Variants in OSBPL1A observed in about 807,000 individuals in gnomAD.
The protein encoded by OSBPL1A is oxysterol binding protein like 1A, also known as oxysterol-binding protein-related protein 1.
A neutral mutation model predicts 137.1 loss-of-function variants in OSBPL1A; 80 were observed. That is an observed-to-expected ratio of 0.58 (90% CI 0.49 to 0.70). The LOEUF (loss-of-function observed/expected upper bound fraction) is 0.70. Among genes scored for constraint, OSBPL1A ranks in the 30% least tolerant of loss-of-function variants. The probability of loss-of-function intolerance (pLI) is 0.00; values close to 1 mark genes in which losing one functional copy is unlikely to be tolerated. For synonymous variants in OSBPL1A, 365 were observed against 389.7 expected (o/e 0.94, Z 0.75); for missense variants, 970 against 1,129.4 (o/e 0.86, Z 2.02).
chr18:24,253,067 C>A (rs2089148820), intron 15 of OSBPL1A, among the ~76,000 whole-genome samples: 1 of 137,448 alleles, frequency 7.3e-6, no homozygotes, highest in African/African-American at 2.6e-5. Context: ...GAGAAGGCTG[C>A]AAAACAATTA....
At chr18:24,382,775 C>CTGAGG in intron 1 of OSBPL1A, among the ~76,000 whole-genome samples, 1 of 151,976 alleles carries the variant, frequency 6.6e-6, no homozygotes, top group East Asian at 1.9e-4. Flanking sequence ...ACCTGAGAGG[C>CTGAGG]TGAGGTGGAA....
At chr18:24,393,329 T>C (rs760571929) in intron 1 of OSBPL1A, among the ~76,000 whole-genome samples, 1 of 152,236 alleles carries the variant, frequency 6.6e-6, no homozygotes, top group Non-Finnish European at 1.5e-5. Context: ...ACACTCTGAT[T>C]CTAGAGCTGA....
intron 13 of OSBPL1A, among the ~76,000 whole-genome samples, chr18:24,304,074 G>T (rs2146103297): frequency 6.6e-6 from 1 of 151,944 alleles, no homozygotes; most frequent in South Asian, 2.1e-4. Context: ...AATTCATCAA[G>T]AAATTATAAA....
intron 19 of OSBPL1A, among the ~76,000 whole-genome samples, chr18:24,180,771 G>T (rs1263437915): frequency 6.6e-6 from 1 of 152,132 alleles, no homozygotes; most frequent in African/African-American, 2.4e-5. Flanking sequence ...CAGCTACTTG[G>T]GAGGCTGAGG....
intron 7 of OSBPL1A, chr18:24,321,647 G>T (rs1479104254): frequency 2.0e-6 from 1 of 506,834 alleles, no homozygotes; most frequent in Admixed American, 2.1e-5. Flanking sequence ...AGTAAGTTGA[G>T]GAGCACTGGG....
chr18:24,397,390 G>A (rs1907829201), intron 1 of OSBPL1A, among the ~76,000 whole-genome samples: 1 of 152,230 alleles, frequency 6.6e-6, no homozygotes, highest in South Asian at 2.1e-4. Context: ...GCACCCGAGT[G>A]GGAAGTGCAA....
intron 23 of OSBPL1A, 80 bp from the exon 24 acceptor site, chr18:24,170,533 G>A: frequency 6.4e-7 from 1 of 1,553,532 alleles, no homozygotes; most frequent in African/African-American, 1.4e-5. Flanking sequence ...TTCCCAGGCG[G>A]TCTCCCATCC....
Position 24,366,819 on chromosome 18 carries a change from T to C in OSBPL1A, c.282+73A>G, listed in dbSNP as rs545949471. The stretch of plus-strand genomic sequence containing the variant: ...TCTTCGGTTGCTGGTCAGATGGTTA[T>C]AACAGAGAAAACAATGGTAACTACT... On this transcript the variant is annotated intron_variant, in intron 4 of 27. Transcript: ENST00000319481. 2.7e-5 allele frequency: 39 copies of C among 1,458,704 alleles called. No homozygotes were observed. In the African/African-American group the frequency reaches 4.4e-4, roughly 16 times the overall value. The allele number at this position is 1,458,704 out of a possible 1,614,324, so 90.4% of individuals were successfully genotyped here.
chr18:24,296,856 G>T (rs1038607659), intron 14 of OSBPL1A, among the ~76,000 whole-genome samples: 1 of 152,134 alleles, frequency 6.6e-6, no homozygotes, highest in Non-Finnish European at 1.5e-5. Context: ...AAACCCACCT[G>T]ATCATGGTGT....
intron 15 of OSBPL1A, among the ~76,000 whole-genome samples, chr18:24,272,948 C>T (rs1171349272): frequency 6.6e-6 from 1 of 152,074 alleles, no homozygotes; most frequent in Admixed American, 6.6e-5. Context: ...CTCTGTCGCC[C>T]AGGCTGGAGT....
intron 16 of OSBPL1A, among the ~76,000 whole-genome samples, chr18:24,237,570 G>A (rs1380217102): frequency 1.3e-5 from 2 of 152,170 alleles, no homozygotes; most frequent in East Asian, 3.9e-4. Context: ...CTCCCAAAGT[G>A]CTAGGATTAC....
At chr18:24,226,649 A>T (rs2088085474) in intron 16 of OSBPL1A, among the ~76,000 whole-genome samples, 1 of 152,192 alleles carries the variant, frequency 6.6e-6, no homozygotes, top group African/African-American at 2.4e-5. Context: ...TTCAGCAAAA[A>T]TCACAGAACC....
intron 18 of OSBPL1A, among the ~76,000 whole-genome samples, chr18:24,181,871 C>A (rs1479700805): frequency 6.6e-6 from 1 of 152,158 alleles, no homozygotes; most frequent in African/African-American, 2.4e-5. Flanking sequence ...TTCCTGCCTT[C>A]TCAGTGGAGT....
intron 13 of OSBPL1A, among the ~76,000 whole-genome samples, chr18:24,310,601 CAA>C (rs751767943): frequency 1.9e-5 from 1 of 53,022 alleles, no homozygotes; most frequent in Non-Finnish European, 4.2e-5. Context: ...GACTCCGTCT[CAA>C]AAAAAAAAAA....
chr18:24,232,380 T>C lies in OSBPL1A; in HGVS notation c.1444+6840A>G, dbSNP rs1233111113. On this transcript the variant is annotated intron_variant, in intron 16 of 27. Coordinates refer to ENST00000319481, the MANE Select transcript of OSBPL1A (RefSeq NM_080597.4). ...TCGGAGACATTCTAGACAGATCCTC[T>C]CTGAATGATGTCCAAGGTCAAAATT... Among the ~76,000 whole-genome samples the C allele has an allele frequency of 2.0e-5, 3 of 152,228 alleles. No homozygotes were observed. In the South Asian group the frequency reaches 6.2e-4, roughly 32 times the overall value.
intron 9 of OSBPL1A, 38 bp downstream of exon 9, chr18:24,318,563 C>G: frequency 6.5e-7 from 1 of 1,527,544 alleles, no homozygotes; most frequent in Non-Finnish European, 8.9e-7. Context: ...GAGAATTATT[C>G]TTTACAGTTA....
At chr18:24,327,008 GTAAC>G (rs1371038922) in intron 7 of OSBPL1A, among the ~76,000 whole-genome samples, 13 of 152,034 alleles carry the variant, frequency 8.6e-5, no homozygotes, top group African/African-American at 3.1e-4. Flanking sequence ...GGATGCCAAA[GTAAC>G]TGTGGCTATG....
chr18:24,366,955 T>C lies in OSBPL1A; in HGVS notation c.219A>G (p.Glu73=), dbSNP rs772101090. 3.0e-5 allele frequency: 48 copies of C among 1,611,052 alleles called. No homozygotes were observed. The South Asian group carries it at 4.9e-4, about 16-fold the overall frequency. Reference sequence around the variant, plus strand: ...CTCCCATGTCATTCAACACATTCACTTCTGCACCAGCCTAGTAAACATGAC... The same window carrying C: ...CTCCCATGTCATTCAACACATTCACCTCTGCACCAGCCTAGTAAACATGAC... ...VVQDLLKAGA[E]VNVLNDMGDT... Residue 73 remains glutamate, a synonymous_variant, in exon 4 of 28, where the codon GAA becomes GAG. Transcript: ENST00000319481.
At chr18:24,369,950 G>A (rs1232717592) in intron 2 of OSBPL1A, among the ~76,000 whole-genome samples, 5 of 152,168 alleles carry the variant, frequency 3.3e-5, no homozygotes, top group Admixed American at 2.0e-4. Context: ...GGCCGAGCAT[G>A]GTGGCTCATG....
Sources: gnomAD v4.1 joint callset for allele counts (sites outside exome capture counted in the v4.1 genomes callset) on GRCh38, gnomAD v4.1.1 for gene constraint, MANE v1.5 for transcripts, NCBI Gene and HGNC (gene_info 2026-07-23, HGNC 2026-07-21) for gene names.